The following ANKRD30B variants were observed in gnomAD, a reference collection of about 807,000 sequenced individuals.
The protein encoded by ANKRD30B is ankyrin repeat domain 30B.
In ANKRD30B, 144 loss-of-function variants were observed where a neutral mutation model predicts 202.2. The ratio of observed to expected loss-of-function variants is 0.71; its 90% CI spans 0.62 to 0.82. The LOEUF (loss-of-function observed/expected upper bound fraction) is 0.82, where lower values mean the gene tolerates loss of function less well. ANKRD30B is among the 40% of genes least tolerant of loss of function. The pLI, the probability that ANKRD30B is intolerant of heterozygous loss-of-function variation, is 0.00. For synonymous variants in ANKRD30B, 508 were observed against 561.3 expected (o/e 0.91, Z 1.34); for missense variants, 1,487 against 1,669.1 (o/e 0.89, Z 1.90).
intron 30 of ANKRD30B, among the ~76,000 whole-genome samples, chr18:14,817,319 C>G (rs1037520507): frequency 6.6e-6 from 1 of 152,078 alleles, no homozygotes; most frequent in African/African-American, 2.4e-5. Flanking sequence ...TAGAGCCATG[C>G]CATGTGACCT....
At chr18:14,847,543 A>G (rs1162646066) in intron 39 of ANKRD30B, among the ~76,000 whole-genome samples, 1 of 110,544 alleles carries the variant, frequency 9.0e-6, no homozygotes, top group African/African-American at 4.1e-5. Flanking sequence ...CTATGCTCAT[A>G]TCTACTCAGT....
intron 24 of ANKRD30B, among the ~76,000 whole-genome samples, chr18:14,806,529 A>G (rs1484308951): frequency 6.6e-6 from 1 of 150,796 alleles, no homozygotes; most frequent in Non-Finnish European, 1.5e-5. Flanking sequence ...TAATTTAAAA[A>G]AATAACGAAG....
the ANKRD30B span, among the ~76,000 whole-genome samples, chr18:14,861,949 T>G: frequency 2.0e-5 from 3 of 152,210 alleles, no homozygotes; most frequent in African/African-American, 7.2e-5. Flanking sequence ...CTCGGACCAC[T>G]GTGGAATAAA....
intron 7 of ANKRD30B, 126 bp downstream of exon 7, chr18:14,764,216 T>C (rs541094880): frequency 3.2e-6 from 3 of 941,942 alleles, no homozygotes; most frequent in Admixed American, 7.2e-5. Flanking sequence ...GGCAACACTT[T>C]TTAATAGTGT....
At chr18:14,931,090 C>T in the ANKRD30B span, among the ~76,000 whole-genome samples, 3 of 152,204 alleles carry the variant, frequency 2.0e-5, no homozygotes, top group African/African-American at 4.8e-5. Context: ...CATTTGGCAG[C>T]CCTGCACCCA....
chr18:14,816,505 G>C (rs1485034699), intron 30 of ANKRD30B: 31 of 152,028 alleles, frequency 2.0e-4, no homozygotes, highest in African/African-American at 7.0e-4. Context: ...AATTAGCCAA[G>C]CATGGTGGTG....
intron 10 of ANKRD30B, among the ~76,000 whole-genome samples, 168 bp downstream of exon 10, chr18:14,778,243 T>C (rs554310719): frequency 2.0e-5 from 3 of 152,178 alleles, no homozygotes; most frequent in African/African-American, 2.4e-5. Flanking sequence ...ACAGATTATA[T>C]TGAGAGTGCC....
At chr18:14,838,054 T>C (rs1971257732) in intron 36 of ANKRD30B, among the ~76,000 whole-genome samples, 1 of 152,224 alleles carries the variant, frequency 6.6e-6, no homozygotes. Flanking sequence ...TTTTCTGACA[T>C]TTATCAGAAC....
At chr18:14,874,958 G>C in the ANKRD30B span, among the ~76,000 whole-genome samples, 1 of 152,288 alleles carries the variant, frequency 6.6e-6, no homozygotes, top group East Asian at 1.9e-4. Context: ...GCTGATGCTG[G>C]GAAGACTCAT....
the ANKRD30B span, among the ~76,000 whole-genome samples, chr18:14,875,163 G>A: frequency 6.6e-6 from 1 of 152,202 alleles, no homozygotes; most frequent in African/African-American, 2.4e-5. Flanking sequence ...GGGAGCAGAA[G>A]AGCAGTCACA....
chr18:14,918,978 C>G, the ANKRD30B span, among the ~76,000 whole-genome samples: 1 of 152,194 alleles, frequency 6.6e-6, no homozygotes, highest in Non-Finnish European at 1.5e-5. Context: ...CATGTGATGA[C>G]ACAGCAAGAA....
the ANKRD30B span, among the ~76,000 whole-genome samples, chr18:14,871,227 C>G: frequency 8.9e-6 from 1 of 112,182 alleles, no homozygotes; most frequent in African/African-American, 3.5e-5. Flanking sequence ...CCCACCCCAC[C>G]CTCCCTCTAA....
chr18:14,800,546 G>C (rs960112373), intron 22 of ANKRD30B, among the ~76,000 whole-genome samples: 2 of 151,088 alleles, frequency 1.3e-5, no homozygotes, highest in Non-Finnish European at 2.9e-5. Context: ...GGATGATCTC[G>C]ACCTGCTGAC....
intron 30 of ANKRD30B, among the ~76,000 whole-genome samples, chr18:14,819,174 C>G (rs889561376): frequency 2.0e-5 from 3 of 147,962 alleles, no homozygotes; most frequent in Admixed American, 1.3e-4. Context: ...TGAGAAGTGT[C>G]TGTTCATGTC....
In ANKRD30B at chr18:14,791,460, AG is replaced by A. The variant is rs1193548518; in HGVS notation, c.1795del (p.Glu599AsnfsTer5). The A allele has an allele frequency of 3.1e-6, 5 of 1,611,326 alleles. No homozygotes were observed. Among genetic ancestry groups the A allele is most frequent in the Non-Finnish European group, 4.2e-6 (5 of 1,178,978 alleles). Reference sequence around the variant, plus strand: ...ATTTACCCAAAGCTACACATCAAAAAGAATTCGATACCTTAAGTGGAAAATT... The same window carrying A: ...ATTTACCCAAAGCTACACATCAAAAAAATTCGATACCTTAAGTGGAAAATT... The part of the protein sequence containing the change: ...VYLPKATHQK[E>X]FDTLSGKLEE... On this transcript the variant is annotated frameshift_variant, in exon 16 of 44. Transcript: ENST00000690538. LOFTEE classifies it high-confidence loss of function.
At chr18:14,806,412 A>G (rs1458480913) in intron 24 of ANKRD30B, among the ~76,000 whole-genome samples, 4 of 150,990 alleles carry the variant, frequency 2.6e-5, no homozygotes, top group African/African-American at 9.8e-5. Context: ...ATGCACAGCC[A>G]TACATTTCAA....
the ANKRD30B span, among the ~76,000 whole-genome samples, chr18:14,920,836 T>TTGAAA: frequency 2.0e-5 from 3 of 152,220 alleles, no homozygotes; most frequent in Non-Finnish European, 4.4e-5. Flanking sequence ...GTGTTGATGT[T>TTGAAA]TGAAATAATT....
the ANKRD30B span, among the ~76,000 whole-genome samples, chr18:14,896,936 G>T: frequency 1.4e-5 from 2 of 147,362 alleles, no homozygotes; most frequent in South Asian, 4.4e-4. Context: ...AAAATAAAAT[G>T]AGTGCTACCT....
downstream of ANKRD30B, among the ~76,000 whole-genome samples, chr18:14,858,692 G>A (rs1598730833): frequency 2.8e-5 from 4 of 140,896 alleles, no homozygotes; most frequent in Admixed American, 2.8e-4. Flanking sequence ...GACGATGGGT[G>A]GCCGGGCAGA....
Sources: allele counts gnomAD v4.1 joint callset (sites outside exome capture counted in the v4.1 genomes callset), GRCh38; gene constraint gnomAD v4.1.1; transcripts MANE v1.5; gene names NCBI Gene and HGNC (gene_info 2026-07-23, HGNC 2026-07-21).